The following SEPTIN7 variants were observed in gnomAD, a reference collection of about 807,000 sequenced individuals.
The protein encoded by SEPTIN7 is septin 7, also known as septin-7.
SEPTIN7 carries 10 observed loss-of-function variants against 63.3 expected under a neutral mutation model. The observed-to-expected ratio is 0.16, with a 90% CI of 0.10 to 0.27. SEPTIN7 has a LOEUF of 0.27. Among genes scored for constraint, SEPTIN7 ranks in the 10% least tolerant of loss-of-function variants. The probability of loss-of-function intolerance (pLI) is 1.00; values close to 1 mark genes in which losing one functional copy is unlikely to be tolerated. For synonymous variants in SEPTIN7, 131 were observed against 165.3 expected (o/e 0.79, Z 1.59); for missense variants, 310 against 521.0 (o/e 0.59, Z 3.94).
At chr7:35,814,913 T>C (rs1788951298) in intron 1 of SEPTIN7, among the ~76,000 whole-genome samples, 2 of 136,320 alleles carry the variant, frequency 1.5e-5, no homozygotes, top group Non-Finnish European at 3.0e-5. Flanking sequence ...AGGCAGGGCT[T>C]GCGGTGAGCC....
At chr7:35,886,731 C>G (rs192392746) in intron 10 of SEPTIN7, among the ~76,000 whole-genome samples, 38 of 152,166 alleles carry the variant, frequency 2.5e-4, no homozygotes, top group African/African-American at 8.7e-4. Flanking sequence ...TTTCCCAAAA[C>G]ATAAGAATCT....
chr7:35,807,094 A>G (rs1788391764), intron 1 of SEPTIN7, among the ~76,000 whole-genome samples: 1 of 152,244 alleles, frequency 6.6e-6, no homozygotes, highest in Non-Finnish European at 1.5e-5. Context: ...TCCAGGAAGT[A>G]TCAGACACTT....
intron 3 of SEPTIN7, among the ~76,000 whole-genome samples, chr7:35,836,722 G>A (rs1784100431): frequency 6.6e-6 from 1 of 152,200 alleles, no homozygotes; most frequent in South Asian, 2.1e-4. Context: ...TCCACTGCCT[G>A]TTGATGTTTG....
intron 4 of SEPTIN7, among the ~76,000 whole-genome samples, chr7:35,870,223 G>A (rs1291074181): frequency 1.3e-5 from 2 of 152,178 alleles, no homozygotes; most frequent in Non-Finnish European, 2.9e-5. Flanking sequence ...TCCTTAAAGT[G>A]TGTAAAATAC....
At chr7:35,820,711 G>A (rs1425575351) in intron 1 of SEPTIN7, among the ~76,000 whole-genome samples, 1 of 151,980 alleles carries the variant, frequency 6.6e-6, no homozygotes, top group Non-Finnish European at 1.5e-5. Context: ...GCTTTCTCAG[G>A]GACTGTTGCT....
chr7:35,850,607 G>A (rs533987516), intron 3 of SEPTIN7, among the ~76,000 whole-genome samples: 2 of 152,290 alleles, frequency 1.3e-5, no homozygotes, highest in South Asian at 4.1e-4. Flanking sequence ...TTATTGAAAT[G>A]ATACTCCATC....
intron 1 of SEPTIN7, among the ~76,000 whole-genome samples, chr7:35,819,552 A>G (rs1293331564): frequency 6.6e-6 from 1 of 152,046 alleles, no homozygotes; most frequent in Admixed American, 6.6e-5. Flanking sequence ...AAGGTCAGGT[A>G]TTACTGTTCA....
At chr7:35,864,034 A>T (rs1583584169) in intron 4 of SEPTIN7, among the ~76,000 whole-genome samples, 1 of 151,744 alleles carries the variant, frequency 6.6e-6, no homozygotes, top group Non-Finnish European at 1.5e-5. Context: ...TCAACAGCCC[A>T]TGTGGCAAGT....
intron 3 of SEPTIN7, among the ~76,000 whole-genome samples, chr7:35,856,602 A>G (rs756129251): frequency 1.3e-5 from 2 of 152,204 alleles, no homozygotes; most frequent in Non-Finnish European, 2.9e-5. Flanking sequence ...GTATGGAACC[A>G]GAAAAAGCAG....
intron 1 of SEPTIN7, among the ~76,000 whole-genome samples, chr7:35,818,629 T>G (rs1212156516): frequency 2.0e-5 from 3 of 151,864 alleles, no homozygotes; most frequent in Non-Finnish European, 2.9e-5. Flanking sequence ...GTGTGTGTGT[T>G]AGTTATTTTT....
chr7:35,805,904 G>T (rs1242530320), intron 1 of SEPTIN7, among the ~76,000 whole-genome samples: 3 of 152,146 alleles, frequency 2.0e-5, no homozygotes, highest in Non-Finnish European at 4.4e-5. Flanking sequence ...ACTACTTCTG[G>T]TAGCTTTATT....
chr7:35,803,432 A>G (rs762136537), intron 1 of SEPTIN7, among the ~76,000 whole-genome samples: 62 of 152,210 alleles, frequency 4.1e-4, no homozygotes, highest in Admixed American at 7.2e-4. Flanking sequence ...AGTTACATCT[A>G]TGGCTTCTAA....
chr7:35,835,242 T>C (rs1784021985), intron 3 of SEPTIN7, among the ~76,000 whole-genome samples: 1 of 152,142 alleles, frequency 6.6e-6, no homozygotes, highest in African/African-American at 2.4e-5. Context: ...TATTGCCTTC[T>C]TTTGAAAAGG....
chr7:35,902,970 A>G (rs746869941), intron 12 of SEPTIN7, 106 bp from the exon 13 acceptor site: 4 of 1,369,196 alleles, frequency 2.9e-6, no homozygotes, highest in African/African-American at 1.5e-5. Context: ...CAACAGGGCT[A>G]TTCAAATAGT....
chr7:35,866,496 G>C (rs926336847), intron 4 of SEPTIN7, among the ~76,000 whole-genome samples: 2 of 152,102 alleles, frequency 1.3e-5, no homozygotes, highest in Non-Finnish European at 2.9e-5. Context: ...GAGAAAAACT[G>C]TCTCCTATTA....
intron 12 of SEPTIN7, chr7:35,902,813 A>G (rs564777120): frequency 1.2e-4 from 39 of 329,520 alleles, no homozygotes; most frequent in African/African-American, 7.7e-4. Flanking sequence ...TTCCATTATA[A>G]AGTACTCCAC....
chr7:35,906,813 A>ATATAT lies in SEPTIN7; in HGVS notation c.*2521_*2522insATATT, dbSNP rs1361477461. ...ACATTCTGACCCACCGCATCTTAAT[A>ATATAT]TGTTTTGTCCTCTTGGAGAAACTAG... On this transcript the variant is annotated 3_prime_UTR_variant, in exon 14 of 14. Transcript: ENST00000350320. 6.6e-6 allele frequency: 1 copy of ATATAT among 152,190 alleles called. No homozygotes were observed. The highest frequency in any genetic ancestry group is 1.9e-4 in the East Asian group (1 of 5,202). 9.4% of individuals were successfully genotyped at this position (152,190 alleles called of 1,614,324 possible).
chr7:35,878,425 A>C (rs115546406), intron 6 of SEPTIN7, among the ~76,000 whole-genome samples: 21 of 152,284 alleles, frequency 1.4e-4, no homozygotes, highest in African/African-American at 4.8e-4. Flanking sequence ...AGGAATGCTA[A>C]GAGATGAGGT....
chr7:35,899,921 A>G (rs1328605613), intron 12 of SEPTIN7: 3 of 152,180 alleles, frequency 2.0e-5, no homozygotes, highest in Non-Finnish European at 4.4e-5. Context: ...TGACAGTAAT[A>G]TAAAATAGTT....
Sources: allele counts gnomAD v4.1 joint callset (sites outside exome capture counted in the v4.1 genomes callset), GRCh38; gene constraint gnomAD v4.1.1; transcripts MANE v1.5; gene names NCBI Gene and HGNC (gene_info 2026-07-23, HGNC 2026-07-21).